Variants in GAPVD1 observed in about 807,000 individuals in gnomAD.
The protein encoded by GAPVD1 is GTPase activating protein and VPS9 domains 1.
A neutral mutation model predicts 155.5 loss-of-function variants in GAPVD1; 35 were observed. The observed-to-expected ratio is 0.23, with a 90% CI of 0.17 to 0.30. The LOEUF (loss-of-function observed/expected upper bound fraction) is 0.30, where lower values mean the gene tolerates loss of function less well. Ranked by LOEUF, GAPVD1 falls within the 10% of genes least tolerant of loss-of-function variation. The probability of loss-of-function intolerance (pLI) is 1.00; values close to 1 mark genes in which losing one functional copy is unlikely to be tolerated. For synonymous variants in GAPVD1, 636 were observed against 619.7 expected, an observed-to-expected ratio of 1.03 and a Z score of -0.39; for missense variants, 1,429 against 1,775.7, an observed-to-expected ratio of 0.80 and a Z score of 3.51.
chr9:125,344,360 A>G (rs904820011), intron 19 of GAPVD1, among the ~76,000 whole-genome samples: 1 of 152,130 alleles, frequency 6.6e-6, no homozygotes, highest in Non-Finnish European at 1.5e-5. Context: ...ATTTTTAGAC[A>G]TAGTTGGGTT....
At chr9:125,349,746 C>T (rs894675487) in intron 21 of GAPVD1, among the ~76,000 whole-genome samples, 1 of 152,018 alleles carries the variant, frequency 6.6e-6, no homozygotes, top group African/African-American at 2.4e-5. Flanking sequence ...CGCCTGTAAT[C>T]CCAGCACTTT....
intron 2 of GAPVD1, among the ~76,000 whole-genome samples, chr9:125,287,575 A>G (rs1037250124): frequency 1.3e-5 from 2 of 152,188 alleles, no homozygotes; most frequent in East Asian, 1.9e-4. Context: ...ATGTAGGGAA[A>G]TAGCATAAAT....
At chr9:125,356,747 C>T (rs1850136846) in intron 25 of GAPVD1, among the ~76,000 whole-genome samples, 1 of 152,214 alleles carries the variant, frequency 6.6e-6, no homozygotes, top group African/African-American at 2.4e-5. Context: ...TCTCAGCTCA[C>T]TGCAGCCTCT....
chr9:125,336,699 C>T (rs1847061682), intron 15 of GAPVD1: 1 of 238,400 alleles, frequency 4.2e-6, no homozygotes, highest in Non-Finnish European at 8.2e-6. Flanking sequence ...GAAGCTGTGA[C>T]ATTCTCAAAA....
intron 9 of GAPVD1, among the ~76,000 whole-genome samples, chr9:125,318,921 A>AT (rs1452227646): frequency 2.6e-5 from 4 of 152,188 alleles, no homozygotes; most frequent in African/African-American, 9.6e-5. Flanking sequence ...CACACCTGTA[A>AT]TCCCAGAACT....
At chr9:125,292,486 G>A (rs566744488) in intron 2 of GAPVD1, among the ~76,000 whole-genome samples, 2 of 151,680 alleles carry the variant, frequency 1.3e-5, no homozygotes, top group Non-Finnish European at 2.9e-5. Flanking sequence ...TCTGCCTCTC[G>A]GGTTCAAGTG....
At position 125,337,238 on chromosome 9, in the gene GAPVD1, A is replaced by G. The variant is rs765561072; in HGVS notation, c.2524A>G (p.Arg842Gly). The G allele has an allele frequency of 1.9e-6, 3 of 1,614,056 alleles. No individual in the cohort carries two copies. Among genetic ancestry groups the G allele is most frequent in the Non-Finnish European group, 1.7e-6 (2 of 1,179,938 alleles). Reference protein sequence around the residue: ...SSHEGASAVVRPKVHYARPSH... With the variant: ...SSHEGASAVVGPKVHYARPSH... ...TGTTGCAGGGGCTTCTGCTGTGGTA[A>G]GGCCAAAGGTTCACTATGCTAGGCC... Residue 842 changes from arginine to glycine, a missense_variant, in exon 17 of 28, where the codon AGG becomes GGG. By Grantham distance (125) the Arg-to-Gly change is moderately radical. Around this residue, in one of 4 missense-constraint regions of GAPVD1, gnomAD observed 699 missense variants for 826.0 expected, o/e 0.85. Coordinates refer to ENST00000297933, the MANE Select transcript of GAPVD1 (RefSeq NM_001282680.3).
intron 19 of GAPVD1, among the ~76,000 whole-genome samples, chr9:125,345,551 A>G (rs1235374728): frequency 1.3e-5 from 2 of 152,174 alleles, no homozygotes; most frequent in African/African-American, 4.8e-5. Flanking sequence ...GTTCAAACCC[A>G]TGTTGTTCAA....
chr9:125,342,168 G>C, intron 18 of GAPVD1, 51 bp from the exon 19 acceptor site: 1 of 877,596 alleles, frequency 1.1e-6, no homozygotes, highest in Non-Finnish European at 1.9e-6. Flanking sequence ...GTTAACTTCC[G>C]AGTAGTGCAG....
At chr9:125,305,208 T>G in intron 6 of GAPVD1, 59 bp downstream of exon 6, 1 of 1,109,422 alleles carries the variant, frequency 9.0e-7, no homozygotes, top group South Asian at 1.3e-5. Context: ...AACTGTTCTC[T>G]TTATTAAATC....
At position 125,302,316 on chromosome 9, in the gene GAPVD1, A is replaced by G. The variant is rs1248460274; in HGVS notation, c.519A>G (p.Arg173=). The G allele has an allele frequency of 6.2e-7, 1 of 1,613,982 alleles. No individual in the cohort carries two copies. The highest frequency in any genetic ancestry group is 1.1e-5 in the South Asian group (1 of 91,076). The part of the protein sequence containing the change: ...ESDNPRRLLR[R]GTCAFSILFK... ...ACAACCCTAGGCGACTTTTGAGGAG[A>G]GGAACTTGTGCCTTCAGCATCTTAT... is the stretch of plus-strand genomic sequence containing the variant. Residue 173 remains arginine (R), a synonymous_variant, in exon 5 of 28, where the codon AGA becomes AGG. Transcript: ENST00000297933.
intron 2 of GAPVD1, among the ~76,000 whole-genome samples, chr9:125,278,673 C>G (rs1836215371): frequency 6.6e-6 from 1 of 151,462 alleles, no homozygotes; most frequent in South Asian, 2.1e-4. Flanking sequence ...CATCTCTACA[C>G]AAAATACAAA....
At chr9:125,279,856 G>A (rs1036698090) in intron 2 of GAPVD1, among the ~76,000 whole-genome samples, 8 of 150,688 alleles carry the variant, frequency 5.3e-5, no homozygotes, top group African/African-American at 1.9e-4. Flanking sequence ...TGCTTCCTGA[G>A]TTCAAGCGAT....
Position 125,298,911 on chromosome 9 carries a change from C to G in GAPVD1, c.-11C>G, listed in dbSNP as rs1840330982. On this transcript the variant is annotated 5_prime_UTR_variant, in exon 4 of 28. Coordinates refer to ENST00000297933, the MANE Select transcript of GAPVD1 (RefSeq NM_001282680.3). ...TTAGTGATCAGCCTTTGAGCCTTTC[C>G]CACATTGAAGATGGTGAAACTAGAT... 1 of 1,570,756 alleles carries G rather than the reference C, an allele frequency of 6.4e-7. No individual in the cohort carries two copies. Among genetic ancestry groups the G allele is most frequent in the African/African-American group, 1.4e-5 (1 of 73,476 alleles).
intron 2 of GAPVD1, among the ~76,000 whole-genome samples, chr9:125,284,180 CTTTTTTTTTT>C (rs34335675): frequency 3.2e-5 from 3 of 92,620 alleles, no homozygotes; most frequent in Non-Finnish European, 6.0e-5. Context: ...CCCGCCAGAA[CTTTTTTTTTT>C]TTTTTTTTTT....
At chr9:125,342,815 A>G (rs1365889382) in intron 19 of GAPVD1, among the ~76,000 whole-genome samples, 2 of 152,244 alleles carry the variant, frequency 1.3e-5, no homozygotes, top group African/African-American at 4.8e-5. Context: ...AGTATCATAA[A>G]TGCCAACCAT....
chr9:125,339,594 A>G (rs1179466868), intron 17 of GAPVD1, among the ~76,000 whole-genome samples: 2 of 152,220 alleles, frequency 1.3e-5, no homozygotes, highest in Non-Finnish European at 2.9e-5. Flanking sequence ...AGGACTACTC[A>G]GTGAATAGAG....
At chr9:125,311,508 C>T (rs577146362) in intron 8 of GAPVD1, among the ~76,000 whole-genome samples, 65 of 152,176 alleles carry the variant, frequency 4.3e-4, no homozygotes, top group African/African-American at 1.4e-3. Context: ...GTAATCCCAG[C>T]TACTTGGGAG....
chr9:125,266,072 C>T (rs144582985), intron 1 of GAPVD1, among the ~76,000 whole-genome samples: 3 of 150,134 alleles, frequency 2.0e-5, no homozygotes, highest in Admixed American at 6.6e-5. Context: ...TCTATAATTT[C>T]ACGTCTATAA....
Sources: gnomAD v4.1 joint callset for allele counts (sites outside exome capture counted in the v4.1 genomes callset) on GRCh38, gnomAD v4.1.1 for gene constraint, gnomAD v4.1.1 regional missense constraint, MANE v1.5 for transcripts, NCBI Gene and HGNC (gene_info 2026-07-23, HGNC 2026-07-21) for gene names.